MCF2L2: variants seen among roughly 807,000 people sequenced by gnomAD.
MCF2L2 encodes the protein probable guanine nucleotide exchange factor MCF2L2.
A neutral mutation model predicts 150.2 loss-of-function variants in MCF2L2; 102 were observed. The ratio of observed to expected loss-of-function variants is 0.68; its 90% CI spans 0.58 to 0.80. MCF2L2 has a LOEUF of 0.80. Among genes scored for constraint, MCF2L2 ranks in the 30% least tolerant of loss-of-function variants. MCF2L2 has a pLI of 0.00. For synonymous variants in MCF2L2, 465 were observed against 491.3 expected (o/e 0.95, Z 0.71); for missense variants, 1,256 against 1,372.8 (o/e 0.91, Z 1.34).
At chr3:183,324,103 A>G (rs1729928608) in intron 5 of MCF2L2, among the ~76,000 whole-genome samples, 1 of 152,230 alleles carries the variant, frequency 6.6e-6, no homozygotes, top group East Asian at 1.9e-4. Flanking sequence ...ACTAGAATAC[A>G]GGGAAACACA....
At chr3:183,279,739 T>C (rs1727366405) in intron 14 of MCF2L2, among the ~76,000 whole-genome samples, 1 of 152,132 alleles carries the variant, frequency 6.6e-6, no homozygotes, top group Non-Finnish European at 1.5e-5. Flanking sequence ...CTGTTACAAA[T>C]ACAACAATTG....
chr3:183,261,663 G>C (rs554099120), intron 15 of MCF2L2, among the ~76,000 whole-genome samples: 1 of 152,056 alleles, frequency 6.6e-6, no homozygotes, highest in South Asian at 2.1e-4. Context: ...GTTCAGTCTT[G>C]TTTTCTATGT....
intron 19 of MCF2L2, among the ~76,000 whole-genome samples, 176 bp downstream of exon 19, chr3:183,223,922 G>A (rs1157118594): frequency 6.6e-6 from 1 of 152,172 alleles, no homozygotes; most frequent in Non-Finnish European, 1.5e-5. Context: ...AGATATAGGT[G>A]CTCCTCACAG....
intron 1 of MCF2L2, among the ~76,000 whole-genome samples, chr3:183,419,185 C>T (rs572244717): frequency 6.6e-6 from 1 of 152,346 alleles, no homozygotes; most frequent in African/African-American, 2.4e-5. Context: ...CCCTTTTAGC[C>T]ACAGCTACAG....
intron 1 of MCF2L2, among the ~76,000 whole-genome samples, chr3:183,417,251 T>TG (rs1282146350): frequency 6.6e-6 from 1 of 151,872 alleles, no homozygotes; most frequent in Non-Finnish European, 1.5e-5. Context: ...TGGTAAACAC[T>TG]GGGGGGTACT....
In MCF2L2 at chr3:183,229,979, T is replaced by C. The variant is rs1359505141; in HGVS notation, c.1930-198A>G. 2.6e-5 allele frequency among the ~76,000 whole-genome samples: 4 copies of C among 152,202 alleles called. No individual in the cohort carries two copies. In the East Asian group the frequency reaches 7.7e-4, roughly 29 times the overall value. ...CCACTTTCAGAAGGAGATGGCTTAATGGCAATGATCATAAAATGGCATTTT... is the reference window on the plus strand; with the variant it reads ...CCACTTTCAGAAGGAGATGGCTTAACGGCAATGATCATAAAATGGCATTTT... On this transcript the variant is annotated intron_variant, in intron 16 of 29. Transcript: ENST00000328913.
intron 27 of MCF2L2, among the ~76,000 whole-genome samples, chr3:183,187,512 A>G (rs1321792375): frequency 6.6e-6 from 1 of 152,068 alleles, no homozygotes; most frequent in East Asian, 1.9e-4. Context: ...CTCTGTTTCC[A>G]GGCTGGAGTG....
chr3:183,379,807 C>G (rs927873554), intron 2 of MCF2L2, among the ~76,000 whole-genome samples: 24 of 152,220 alleles, frequency 1.6e-4, no homozygotes, highest in African/African-American at 5.5e-4. Context: ...TGGGTCAAAT[C>G]TGCTTTGCCA....
intron 15 of MCF2L2, among the ~76,000 whole-genome samples, chr3:183,256,433 G>A (rs368160343): frequency 7.2e-5 from 11 of 152,318 alleles, no homozygotes; most frequent in African/African-American, 2.4e-4. Flanking sequence ...TTGATCAGGT[G>A]AGATACAAGA....
chr3:183,425,811 C>T (rs1304452309), intron 1 of MCF2L2, among the ~76,000 whole-genome samples: 7 of 152,048 alleles, frequency 4.6e-5, no homozygotes, highest in South Asian at 2.1e-4. Flanking sequence ...AAAAATTAGC[C>T]GGGCGTGGTG....
intron 1 of MCF2L2, among the ~76,000 whole-genome samples, chr3:183,395,937 AAG>A (rs1246321302): frequency 1.0e-5 from 1 of 97,434 alleles, no homozygotes; most frequent in African/African-American, 3.0e-5. Context: ...AAAAAAAAAA[AAG>A]AAAGAAAGAA....
intron 15 of MCF2L2, among the ~76,000 whole-genome samples, chr3:183,245,183 G>A (rs1724194075): frequency 6.6e-6 from 1 of 152,216 alleles, no homozygotes. Context: ...ATGAAACAAA[G>A]GTCACAAGAC....
At position 183,270,772 on chromosome 3, in the gene MCF2L2, A is replaced by T. The variant is rs1361220943; in HGVS notation, c.1862+6100T>A. On this transcript the variant is annotated intron_variant, in intron 15 of 29. Transcript: ENST00000328913. The surrounding 1 kb of genome is among the most constrained non-coding windows in gnomAD (Gnocchi z 4.5). ...GAAAAAATGATGACATCTCATGGAC[A>T]CTTAGAAGATCTCCAGGACCTTTGG... The T allele has an allele frequency of 6.2e-7, 1 of 1,613,964 alleles. No homozygotes were observed. Among genetic ancestry groups the T allele is most frequent in the Non-Finnish European group, 8.5e-7 (1 of 1,179,968 alleles).
chr3:183,297,250 A>G, intron 11 of MCF2L2, 83 bp from the exon 12 acceptor site: 2 of 1,216,892 alleles, frequency 1.6e-6, no homozygotes, highest in East Asian at 2.3e-5. Flanking sequence ...CTGAGCTTGT[A>G]AGGTGTCTAC....
At position 183,314,907 on chromosome 3, in the gene MCF2L2, CTTTTTTTTTT is replaced by C. The variant is rs869078971; in HGVS notation, c.754-3145_754-3136del. ...TAAACAGTATCTCTTTTTTTCTTTT[CTTTTTTTTTT>C]TTTTTTTTTTTTTTTTTTTTTTTTT... On this transcript the variant is annotated intron_variant, in intron 7 of 29. Transcript: ENST00000328913. Among the ~76,000 whole-genome samples, 5 of 13,808 alleles carry C rather than the reference CTTTTTTTTTT, an allele frequency of 3.6e-4. 1 individual carries two copies. The highest frequency in any genetic ancestry group is 9.5e-4 in the African/African-American group (4 of 4,190). 9.1% of individuals were successfully genotyped at this position (13,808 alleles called of 152,430 possible).
At chr3:183,247,205 G>C (rs1322297084) in intron 15 of MCF2L2, among the ~76,000 whole-genome samples, 1 of 152,182 alleles carries the variant, frequency 6.6e-6, no homozygotes, top group African/African-American at 2.4e-5. Context: ...TTATCTAATA[G>C]TGACAGAGGA....
chr3:183,369,872 G>A (rs984634732), intron 3 of MCF2L2, among the ~76,000 whole-genome samples: 4 of 152,184 alleles, frequency 2.6e-5, no homozygotes, highest in African/African-American at 9.7e-5. Flanking sequence ...GCAAACAGTT[G>A]TCTACTCTAC....
intron 27 of MCF2L2, among the ~76,000 whole-genome samples, chr3:183,187,926 A>G (rs1372097453): frequency 1.3e-5 from 2 of 151,970 alleles, no homozygotes; most frequent in Non-Finnish European, 2.9e-5. Flanking sequence ...CTTTCTCCTC[A>G]TGTCAATAGA....
intron 3 of MCF2L2, among the ~76,000 whole-genome samples, chr3:183,370,777 G>C (rs534715564): frequency 9.5e-6 from 1 of 105,488 alleles, no homozygotes; most frequent in African/African-American, 6.0e-5. Flanking sequence ...TTAAATTCTC[G>C]TGACATGTAA....
Sources: allele counts gnomAD v4.1 joint callset (sites outside exome capture counted in the v4.1 genomes callset), GRCh38; gene constraint gnomAD v4.1.1; non-coding constraint Gnocchi (gnomAD v3.1); transcripts MANE v1.5; gene names NCBI Gene and HGNC (gene_info 2026-07-23, HGNC 2026-07-21).